NUP214: variants seen among roughly 807,000 people sequenced by gnomAD.
NUP214 encodes nuclear pore complex protein Nup214.
In NUP214, 79 loss-of-function variants were observed where a neutral mutation model predicts 196.2. The observed-to-expected ratio is 0.40, with a 90% CI of 0.34 to 0.49. NUP214 has a LOEUF of 0.49. Ranked by LOEUF, NUP214 falls within the 20% of genes least tolerant of loss-of-function variation. NUP214 has a pLI of 0.58. For synonymous variants in NUP214, 1,020 were observed against 990.5 expected, an observed-to-expected ratio of 1.03 and a Z score of -0.56; for missense variants, 2,468 against 2,539.0, an observed-to-expected ratio of 0.97 and a Z score of 0.60.
chr9:131,131,969 A>G (rs1390105973), intron 5 of NUP214, among the ~76,000 whole-genome samples: 1 of 152,122 alleles, frequency 6.6e-6, no homozygotes, highest in Non-Finnish European at 1.5e-5. Context: ...GATTACAGAC[A>G]TGAGCCACCT....
intron 21 of NUP214, chr9:131,167,447 C>T (rs1048590071): frequency 2.0e-5 from 3 of 152,158 alleles, no homozygotes; most frequent in African/African-American, 4.8e-5. Context: ...TGAATATTCC[C>T]GTGTGTGTCT....
intron 16 of NUP214, among the ~76,000 whole-genome samples, chr9:131,151,021 A>G (rs535368375): frequency 6.6e-6 from 1 of 152,264 alleles, no homozygotes; most frequent in Non-Finnish European, 1.5e-5. Context: ...CTAAGTTTCT[A>G]TCCCTTTGAT....
rs752408614 is a variant in NUP214 at position 131,144,302 on chromosome 9, C to T, written c.1317C>T (p.Thr439=). 17 of 1,613,718 alleles carry T rather than the reference C, an allele frequency of 1.1e-5. No individual in the cohort carries two copies. Among genetic ancestry groups the T allele is most frequent in the Non-Finnish European group, 1.4e-5 (17 of 1,179,928 alleles). The part of the protein sequence containing the change: ...KSPGSTPTTP[T]SSQAPQKLDA... ...CAGGAAGTACTCCCACTACCCCAAC[C>T]TCCTCTCAAGCCCCACAGAAACTGG... Residue 439 remains threonine (T), a synonymous_variant, in exon 12 of 36, where the codon ACC becomes ACT. Coordinates refer to ENST00000359428, the MANE Select transcript of NUP214 (RefSeq NM_005085.4).
At chr9:131,196,018 CTGTGTGT>C (rs1833768986) in intron 28 of NUP214, among the ~76,000 whole-genome samples, 1 of 25,244 alleles carries the variant, frequency 4.0e-5, no homozygotes, top group African/African-American at 1.0e-4. Context: ...GAGTGAAACT[CTGTGTGT>C]CCCCCCCCCC....
chr9:131,153,745 A>G (rs1044030231), intron 17 of NUP214, among the ~76,000 whole-genome samples: 1 of 152,260 alleles, frequency 6.6e-6, no homozygotes, highest in East Asian at 1.9e-4. Flanking sequence ...AGGTTTTACC[A>G]CTAATAAACC....
intron 30 of NUP214, among the ~76,000 whole-genome samples, chr9:131,204,451 T>C (rs1219036887): frequency 1.3e-5 from 2 of 152,108 alleles, no homozygotes; most frequent in Non-Finnish European, 2.9e-5. Flanking sequence ...GGGCTATCGA[T>C]AGCCTCTGTC....
intron 30 of NUP214, among the ~76,000 whole-genome samples, chr9:131,211,161 TGGAG>T (rs1050263126): frequency 3.3e-5 from 5 of 152,174 alleles, no homozygotes; most frequent in African/African-American, 1.2e-4. Context: ...CTCCATTAGA[TGGAG>T]GGAGTCATTC....
chr9:131,140,487 C>T, intron 10 of NUP214, 62 bp from the exon 11 acceptor site: 1 of 1,461,290 alleles, frequency 6.8e-7, no homozygotes, highest in South Asian at 1.3e-5. Flanking sequence ...GCAGTCTTTG[C>T]CTTCTGGGCT....
intron 31 of NUP214, chr9:131,222,489 C>T: frequency 3.7e-6 from 1 of 268,600 alleles, no homozygotes; most frequent in Non-Finnish European, 7.0e-6. Flanking sequence ...TGAGCTTCTA[C>T]AAAGGAGCCT....
chr9:131,157,450 GTGTC>G (rs1832487218), intron 17 of NUP214, among the ~76,000 whole-genome samples: 1 of 143,132 alleles, frequency 7.0e-6, no homozygotes, highest in African/African-American at 2.6e-5. Flanking sequence ...GTGAGCCACT[GTGTC>G]TGGCGTTTTT....
At position 131,174,099 on chromosome 9, in the gene NUP214, G is replaced by C; in HGVS notation, c.2938G>C (p.Asp980His). Residue 980 changes from aspartate (D) to histidine (H), a missense_variant, in exon 22 of 36, where the codon GAC (aspartate) becomes CAC (histidine). Asp to His is a moderately conservative substitution (Grantham distance 81). Around this residue, in one of 5 missense-constraint regions of NUP214, gnomAD observed 1,801 missense variants for 1,779.4 expected, o/e 1.01. Transcript: ENST00000359428. ...SAFLSQRYYE[D>H]LDEVSSTSSV... Reference sequence around the variant, plus strand: ...CTTTCTGTCTCAGAGATATTATGAAGACTTGGATGAAGTCAGCTCAACGTC... The same window carrying C: ...CTTTCTGTCTCAGAGATATTATGAACACTTGGATGAAGTCAGCTCAACGTC... 6.2e-7 allele frequency: 1 copy of C among 1,613,454 alleles called. No homozygotes were observed. The highest frequency in any genetic ancestry group is 8.5e-7 in the Non-Finnish European group (1 of 1,179,806).
chr9:131,192,968 A>AT (rs1554737348), intron 27 of NUP214, among the ~76,000 whole-genome samples: 1 of 146,886 alleles, frequency 6.8e-6, no homozygotes, highest in Admixed American at 6.7e-5. Context: ...AAAAAAAAAA[A>AT]GGCTTACTGC....
At chr9:131,145,845 A>G (rs1037848288) in intron 12 of NUP214, among the ~76,000 whole-genome samples, 19 of 152,210 alleles carry the variant, frequency 1.2e-4, no homozygotes, top group African/African-American at 4.6e-4. Context: ...ATAGTATTTC[A>G]TATCATGATA....
intron 24 of NUP214, among the ~76,000 whole-genome samples, chr9:131,178,718 T>TC (rs1833184322): frequency 2.0e-5 from 3 of 149,492 alleles, no homozygotes; most frequent in South Asian, 2.1e-4. Context: ...TTTTTTTTTT[T>TC]TAATGCCCTA....
At chr9:131,169,024 GTTTTTTTTTGTTTTTTT>G (rs1391705699) in intron 21 of NUP214, among the ~76,000 whole-genome samples, 1 of 48,910 alleles carries the variant, frequency 2.0e-5, no homozygotes, top group African/African-American at 6.7e-5. Flanking sequence ...TGCTTACTTT[GTTTTTTTTTGTTTTTTT>G]TTTTTTTTTG....
At chr9:131,192,134 A>T in intron 26 of NUP214, 74 bp from the exon 27 acceptor site, 1 of 1,005,402 alleles carries the variant, frequency 9.9e-7, no homozygotes, top group Non-Finnish European at 1.4e-6. Context: ...AGGGAATTAT[A>T]CACTGGAACA....
intron 16 of NUP214, 73 bp from the exon 17 acceptor site, chr9:131,151,663 C>A (rs551361002): frequency 8.2e-7 from 1 of 1,212,596 alleles, no homozygotes; most frequent in Non-Finnish European, 1.2e-6. Context: ...AGAAACACCA[C>A]CTTCCTTGAT....
chr9:131,175,675 C>A, intron 23 of NUP214, 54 bp downstream of exon 23: 3 of 1,582,794 alleles, frequency 1.9e-6, no homozygotes, highest in South Asian at 2.3e-5. Context: ...CTGTCTGAGT[C>A]ACAGGCCAGG....
At position 131,151,742 on chromosome 9, in the gene NUP214, C is replaced by T; in HGVS notation, c.2284C>T (p.His762Tyr). 6.2e-7 allele frequency: 1 copy of T among 1,605,622 alleles called. No individual in the cohort carries two copies. The highest frequency in any genetic ancestry group is 8.5e-7 in the Non-Finnish European group (1 of 1,177,836). ...ATTATTGTACTTTTTCTAGTCGCTTCATGGAGATATAAGTAGCCTGAAAAC... is the reference window on the plus strand; with the variant it reads ...ATTATTGTACTTTTTCTAGTCGCTTTATGGAGATATAAGTAGCCTGAAAAC... ...LEIKETTESLHGDISSLKTTL... is the reference protein window; with the variant it reads ...LEIKETTESLYGDISSLKTTL... Residue 762 changes from histidine (H) to tyrosine (Y), a missense_variant, in exon 17 of 36, where the codon CAT (histidine) becomes TAT (tyrosine). Physicochemically the swap from His to Tyr is moderately conservative, Grantham distance 83. Coordinates refer to ENST00000359428, the MANE Select transcript of NUP214 (RefSeq NM_005085.4).
Sources: gnomAD v4.1 joint callset for allele counts (sites outside exome capture counted in the v4.1 genomes callset) on GRCh38, gnomAD v4.1.1 for gene constraint, gnomAD v4.1.1 regional missense constraint, MANE v1.5 for transcripts, NCBI Gene and HGNC (gene_info 2026-07-23, HGNC 2026-07-21) for gene names.